ALK: variants seen among roughly 807,000 people sequenced by gnomAD.
ALK encodes ALK receptor tyrosine kinase.
ALK carries 74 observed loss-of-function variants against 163.1 expected under a neutral mutation model. The ratio of observed to expected loss-of-function variants is 0.45; its 90% CI spans 0.38 to 0.55. ALK has a LOEUF of 0.55. ALK is among the 20% of genes least tolerant of loss of function. The pLI, the probability that ALK is intolerant of heterozygous loss-of-function variation, is 0.00. For synonymous variants in ALK, 960 were observed against 843.2 expected (o/e 1.14, Z -2.40); for missense variants, 2,063 against 2,105.3 (o/e 0.98, Z 0.39).
chr2:29,244,800 T>A (rs948854035), intron 12 of ALK, among the ~76,000 whole-genome samples: 1 of 152,238 alleles, frequency 6.6e-6, no homozygotes. Context: ...TACAATTACT[T>A]TGGCAATTAA....
chr2:29,375,742 T>C (rs1005829744), intron 5 of ALK, among the ~76,000 whole-genome samples: 3 of 152,190 alleles, frequency 2.0e-5, no homozygotes, highest in Non-Finnish European at 4.4e-5. Context: ...GGAAGGAGAC[T>C]TAAATCCAGG....
intron 1 of ALK, among the ~76,000 whole-genome samples, chr2:29,909,892 T>C (rs1468188846): frequency 6.6e-6 from 1 of 150,634 alleles, no homozygotes; most frequent in African/African-American, 2.5e-5. Context: ...GACAAGTCAA[T>C]TAACTGTCAA....
intron 4 of ALK, among the ~76,000 whole-genome samples, chr2:29,514,028 A>T (rs1672591994): frequency 9.7e-6 from 1 of 103,122 alleles, no homozygotes; most frequent in Non-Finnish European, 2.0e-5. Flanking sequence ...GTGGAGAAAC[A>T]GGAACACTTT....
chr2:29,227,436 G>T lies in ALK; in HGVS notation c.2914+138C>A. On this transcript the variant is annotated intron_variant, in intron 17 of 28. Transcript: ENST00000389048. The surrounding 1 kb of genome is among the most constrained non-coding windows in gnomAD (Gnocchi z 4.4). ...TGACTTCTGGAAAATGTGGTGACCT[G>T]CGCCATAGGAAGCTTGCCTGCCAGG... The T allele has an allele frequency of 1.2e-6, 1 of 823,706 alleles. No homozygotes were observed. Among genetic ancestry groups the T allele is most frequent in the Admixed American group, 1.8e-5 (1 of 56,262 alleles). The allele number at this position is 823,706 out of a possible 1,614,324, so 51.0% of individuals were successfully genotyped here.
intron 3 of ALK, among the ~76,000 whole-genome samples, chr2:29,582,734 A>G (rs1674744252): frequency 6.6e-6 from 1 of 152,228 alleles, no homozygotes; most frequent in South Asian, 2.1e-4. Flanking sequence ...TGAGAGAGAC[A>G]GAGAGAGTAT....
chr2:29,679,802 G>A (rs1433276298), intron 3 of ALK, among the ~76,000 whole-genome samples: 3 of 151,768 alleles, frequency 2.0e-5, no homozygotes, highest in Admixed American at 6.6e-5. Flanking sequence ...ATTTCTCCCC[G>A]TGGATTCAAG....
chr2:29,856,283 T>C (rs1666135939), intron 1 of ALK, among the ~76,000 whole-genome samples: 1 of 152,210 alleles, frequency 6.6e-6, no homozygotes, highest in Non-Finnish European at 1.5e-5. Flanking sequence ...TAACAGCATC[T>C]TTATTTTAGA....
chr2:29,708,131 A>G (rs2541201), intron 2 of ALK, among the ~76,000 whole-genome samples: 132,590 of 152,204 alleles, frequency 0.87, 57,964 homozygotes, highest in African/African-American at 0.93. Context: ...GCAATGGTGC[A>G]GTCTCAGCTC....
At chr2:29,349,282 T>C (rs1668043058) in intron 5 of ALK, among the ~76,000 whole-genome samples, 1 of 152,156 alleles carries the variant, frequency 6.6e-6, no homozygotes, top group South Asian at 2.1e-4. Context: ...ACTTTGTTCT[T>C]GACCCTGCTC....
chr2:29,424,547 G>T (rs766351559), intron 4 of ALK, among the ~76,000 whole-genome samples: 2 of 152,220 alleles, frequency 1.3e-5, no homozygotes, highest in Admixed American at 1.3e-4. Flanking sequence ...CAAGAAGGTT[G>T]CCATGGAGGT....
intron 1 of ALK, among the ~76,000 whole-genome samples, chr2:29,806,711 C>T (rs1226789251): frequency 6.6e-6 from 1 of 152,138 alleles, no homozygotes; most frequent in African/African-American, 2.4e-5. Flanking sequence ...GAGTTGGTGA[C>T]ACCATGAGGA....
At chr2:29,396,836 G>GTTTTTTTTTT (rs10654058) in intron 4 of ALK, among the ~76,000 whole-genome samples, 1,771 of 46,584 alleles carry the variant, frequency 0.038, 448 homozygotes, top group Middle Eastern at 0.083. Flanking sequence ...TGTTACTATG[G>GTTTTTTTTTT]TTTTTTTTTT....
intron 9 of ALK, among the ~76,000 whole-genome samples, chr2:29,283,208 G>A (rs1428486837): frequency 1.3e-5 from 2 of 152,196 alleles, no homozygotes; most frequent in East Asian, 3.8e-4. Context: ...GAGAGCTCAG[G>A]CCTCTTGCAT....
chr2:29,904,059 A>G (rs185199203), intron 1 of ALK, among the ~76,000 whole-genome samples: 1 of 152,288 alleles, frequency 6.6e-6, no homozygotes, highest in East Asian at 1.9e-4. Context: ...ACCTAATCTC[A>G]CAACTCCTGG....
At chr2:29,193,999 G>A (rs1005565792) in intron 28 of ALK, 77 bp from the exon 29 acceptor site, 2 of 1,368,538 alleles carry the variant, frequency 1.5e-6, no homozygotes, top group African/African-American at 1.4e-5. Flanking sequence ...TAGAGATGAT[G>A]TTATCTAAAC....
intron 4 of ALK, among the ~76,000 whole-genome samples, chr2:29,432,763 G>T: frequency 1.4e-5 from 2 of 147,842 alleles, no homozygotes. Context: ...TTAAACCGAT[G>T]GATCCATTGC....
intron 3 of ALK, among the ~76,000 whole-genome samples, chr2:29,693,880 C>T (rs1006102222): frequency 6.6e-6 from 1 of 152,150 alleles, no homozygotes; most frequent in African/African-American, 2.4e-5. Flanking sequence ...CAGTCACTCC[C>T]CCGCTCTGAG....
At chr2:29,759,094 C>T (rs1298952437) in intron 1 of ALK, among the ~76,000 whole-genome samples, 1 of 152,134 alleles carries the variant, frequency 6.6e-6, no homozygotes, top group African/African-American at 2.4e-5. Flanking sequence ...TGTGTGTAAG[C>T]TGTCTCCTCC....
chr2:29,261,215 T>C (rs1320371186), intron 11 of ALK, among the ~76,000 whole-genome samples: 1 of 152,236 alleles, frequency 6.6e-6, no homozygotes, highest in East Asian at 1.9e-4. Flanking sequence ...TTATATCTTG[T>C]ACAGATGCTG....
Sources: allele counts gnomAD v4.1 joint callset (sites outside exome capture counted in the v4.1 genomes callset), GRCh38; gene constraint gnomAD v4.1.1; non-coding constraint Gnocchi (gnomAD v3.1); transcripts MANE v1.5; gene names NCBI Gene and HGNC (gene_info 2026-07-23, HGNC 2026-07-21).